SLC35D2: variants seen among roughly 807,000 people sequenced by gnomAD.
SLC35D2 encodes nucleotide sugar transporter SLC35D2.
A neutral mutation model predicts 41.8 loss-of-function variants in SLC35D2; 43 were observed. The observed-to-expected ratio is 1.03, with a 90% confidence interval of 0.81 to 1.33. The LOEUF (loss-of-function observed/expected upper bound fraction) is 1.33. Ranked by LOEUF, SLC35D2 falls within the 40% of genes most tolerant of loss-of-function variation. The pLI is 0.00. For synonymous variants in SLC35D2, 150 were observed against 163.9 expected (o/e 0.92, Z 0.65); for missense variants, 380 against 408.4 (o/e 0.93, Z 0.60).
chr9:96,372,894 C>A (rs370355826), intron 1 of SLC35D2, among the ~76,000 whole-genome samples: 6 of 147,452 alleles, frequency 4.1e-5, no homozygotes, highest in Non-Finnish European at 7.5e-5. Flanking sequence ...GTTTTTTGTT[C>A]TTTTGTTTTT....
At chr9:96,313,798 T>C (rs1469171597) in exon 12 of SLC35D2, among the ~76,000 whole-genome samples, 1 of 152,206 alleles carries the variant, frequency 6.6e-6, no homozygotes, top group Non-Finnish European at 1.5e-5. Context: ...GGTGGTAGCC[T>C]CTGGTCTTGT....
chr9:96,373,103 T>C (rs1830781718), intron 1 of SLC35D2, among the ~76,000 whole-genome samples: 1 of 152,032 alleles, frequency 6.6e-6, no homozygotes, highest in South Asian at 2.1e-4. Flanking sequence ...TTTCACCATG[T>C]TGACCAAGCT....
chr9:96,326,150 T>A (rs1045786636), intron 9 of SLC35D2, among the ~76,000 whole-genome samples: 1 of 151,928 alleles, frequency 6.6e-6, no homozygotes, highest in African/African-American at 2.4e-5. Context: ...AGGATTTGAA[T>A]GTTTTTAAGA....
downstream of SLC35D2, among the ~76,000 whole-genome samples, chr9:96,319,631 C>T (rs950100089): frequency 6.6e-6 from 1 of 152,044 alleles, no homozygotes; most frequent in African/African-American, 2.4e-5. Context: ...TCAGCCTCCC[C>T]AGTAGCTGGC....
At chr9:96,336,520 T>C (rs1829057496) in intron 9 of SLC35D2, among the ~76,000 whole-genome samples, 197 bp downstream of exon 9, 1 of 152,246 alleles carries the variant, frequency 6.6e-6, no homozygotes, top group Admixed American at 6.5e-5. Flanking sequence ...ACAAGAGTTG[T>C]ATGCTTGTTC....
At chr9:96,338,198 C>G (rs936249829) in intron 8 of SLC35D2, among the ~76,000 whole-genome samples, 1 of 152,090 alleles carries the variant, frequency 6.6e-6, no homozygotes, top group African/African-American at 2.4e-5. Flanking sequence ...GTTCTACTCA[C>G]TTTCTATTAA....
chr9:96,343,835 T>C (rs575052223), intron 8 of SLC35D2, 69 bp downstream of exon 8: 4 of 985,048 alleles, frequency 4.1e-6, no homozygotes, highest in Non-Finnish European at 5.9e-6. Flanking sequence ...TTTCAGTGCA[T>C]ATCAAATGTT....
intron 11 of SLC35D2, among the ~76,000 whole-genome samples, chr9:96,315,392 C>T (rs115872856): frequency 0.044 from 5,759 of 131,010 alleles, 335 homozygotes; most frequent in African/African-American, 0.13. Flanking sequence ...TTCCAAAATG[C>T]TAGGATTACA....
chr9:96,342,729 C>T (rs1189967238), intron 8 of SLC35D2, among the ~76,000 whole-genome samples: 1 of 152,178 alleles, frequency 6.6e-6, no homozygotes, highest in East Asian at 1.9e-4. Flanking sequence ...CTAAGCCCTT[C>T]TGCTGATCCC....
intron 1 of SLC35D2, among the ~76,000 whole-genome samples, chr9:96,379,286 G>T (rs541956562): frequency 6.9e-6 from 1 of 145,172 alleles, no homozygotes; most frequent in East Asian, 2.1e-4. Context: ...CAGCCTGGGT[G>T]ACAGAGTGAG....
chr9:96,332,425 T>G (rs997278969), intron 9 of SLC35D2, among the ~76,000 whole-genome samples: 6 of 152,120 alleles, frequency 3.9e-5, no homozygotes, highest in African/African-American at 1.4e-4. Flanking sequence ...AAAGCCGCCA[T>G]GCCAAAATGG....
intron 9 of SLC35D2, among the ~76,000 whole-genome samples, chr9:96,327,889 TG>T (rs1828618095): frequency 7.2e-6 from 1 of 138,862 alleles, no homozygotes. Flanking sequence ...CCCAAAGTGC[TG>T]GGACTATAGG....
At chr9:96,366,586 A>G (rs1436611603) in intron 2 of SLC35D2, among the ~76,000 whole-genome samples, 2 of 145,366 alleles carry the variant, frequency 1.4e-5, no homozygotes, top group East Asian at 4.1e-4. Flanking sequence ...CAGTGGTGCA[A>G]TCTCGGCTCA....
Position 96,383,503 on chromosome 9 carries a change from G to C in SLC35D2, c.132C>G (p.Val44=). The C allele has an allele frequency of 2.0e-6, 3 of 1,537,486 alleles. No individual in the cohort carries two copies. The highest frequency in any genetic ancestry group is 2.6e-6 in the Non-Finnish European group (3 of 1,141,748). ...CGTAGGTGGTCAGCAGCGCCTTGTTGACAAGCACGATGAGGAAGGAGCAGG... is the reference window on the plus strand; with the variant it reads ...CGTAGGTGGTCAGCAGCGCCTTGTTCACAAGCACGATGAGGAAGGAGCAGG... ...YGTCSFLIVL[V]NKALLTTYGF... The change falls in exon 1 of 12, where the codon GTC becomes GTG. Residue 44 remains valine, a synonymous_variant. Coordinates refer to ENST00000253270, the MANE Select transcript of SLC35D2 (RefSeq NM_007001.3).
chr9:96,325,452 G>A (rs1828478140), intron 9 of SLC35D2, among the ~76,000 whole-genome samples: 1 of 152,232 alleles, frequency 6.6e-6, no homozygotes, highest in African/African-American at 2.4e-5. Flanking sequence ...GGAGGCAGAG[G>A]TGGGTGAATC....
chr9:96,343,450 G>A (rs1829430621), intron 8 of SLC35D2, among the ~76,000 whole-genome samples: 1 of 152,236 alleles, frequency 6.6e-6, no homozygotes, highest in Non-Finnish European at 1.5e-5. Flanking sequence ...ATGGCAAAAT[G>A]CCAAAGTGTT....
At chr9:96,329,182 C>T (rs1037726423) in intron 9 of SLC35D2, among the ~76,000 whole-genome samples, 1 of 151,534 alleles carries the variant, frequency 6.6e-6, no homozygotes, top group African/African-American at 2.4e-5. Context: ...CATATATACA[C>T]ACACACATAT....
chr9:96,317,518 C>T (rs947591187), downstream of SLC35D2, among the ~76,000 whole-genome samples: 1 of 152,162 alleles, frequency 6.6e-6, no homozygotes, highest in African/African-American at 2.4e-5. Flanking sequence ...GCTCCTAGGG[C>T]TGCTGGGCTG....
rs368530176 is a variant in SLC35D2 at position 96,352,156 on chromosome 9, T to C, written c.348-47A>G. On this transcript the variant is annotated intron_variant, in intron 4 of 11. Transcript: ENST00000253270. The stretch of plus-strand genomic sequence containing the variant: ...ATGTCAGACACCAAGGGTTGGTTGA[T>C]TGGTTTTATCTTTTACATGTTTTAC... 41 of 1,344,090 alleles carry C rather than the reference T, an allele frequency of 3.1e-5. No individual in the cohort carries two copies. The Middle Eastern group carries it at 7.2e-4, about 24-fold the overall frequency. The allele number at this position is 1,344,090 out of a possible 1,614,324, so 83.3% of individuals were successfully genotyped here.
Sources: allele counts gnomAD v4.1 joint callset (sites outside exome capture counted in the v4.1 genomes callset), GRCh38; gene constraint gnomAD v4.1.1; transcripts MANE v1.5; gene names NCBI Gene and HGNC (gene_info 2026-07-23, HGNC 2026-07-21).